The following SPSB1 variants were observed in gnomAD, a reference collection of about 807,000 sequenced individuals.
SPSB1 encodes SPRY domain-containing SOCS box protein 1.
Under a neutral mutation model 21.2 loss-of-function variants are expected in SPSB1, and 8 were observed. The observed-to-expected ratio is 0.38, with a 90% CI of 0.22 to 0.68. SPSB1 has a LOEUF of 0.68. SPSB1 is among the 30% of genes least tolerant of loss of function. The probability of loss-of-function intolerance (pLI) is 0.53; values close to 1 mark genes in which losing one functional copy is unlikely to be tolerated. For missense variants in SPSB1, 242 were observed against 377.8 expected, an observed-to-expected ratio of 0.64 and a Z score of 2.98; for synonymous variants, 169 against 161.7, an observed-to-expected ratio of 1.05 and a Z score of -0.34.
At position 9,369,207 on chromosome 1, in the gene SPSB1, T is replaced by G. The variant is rs1238083458; in HGVS notation, c.*1632T>G. On this transcript the variant is annotated 3_prime_UTR_variant, in exon 3 of 3. Transcript: ENST00000328089. ...ATTACCCCCTTATTATTTTGACGGT[T>G]TTTTTTTTCGGGGCAGGGGACCTTA... is the stretch of plus-strand genomic sequence containing the variant. 7.8e-6 allele frequency: 1 copy of G among 128,390 alleles called. No homozygotes were observed. The highest frequency in any genetic ancestry group is 5.2e-5 in the African/African-American group (1 of 19,394). 8.0% of individuals were successfully genotyped at this position (128,390 alleles called of 1,614,324 possible).
Position 9,324,718 on chromosome 1 carries a change from C to T in SPSB1, c.-149-31025C>T, listed in dbSNP as rs183701385. Among the ~76,000 whole-genome samples, 1 of 152,298 alleles carries T rather than the reference C, an allele frequency of 6.6e-6. No individual in the cohort carries two copies. Among genetic ancestry groups the T allele is most frequent in the African/African-American group, 2.4e-5 (1 of 41,560 alleles). ...AGCGGCCAGCCAGCATCTCCCGGAGCCCAGAATCTCTCTGGGAATGAGCAC... is the reference window on the plus strand; with the variant it reads ...AGCGGCCAGCCAGCATCTCCCGGAGTCCAGAATCTCTCTGGGAATGAGCAC... On this transcript the variant is annotated intron_variant, in intron 1 of 2. Coordinates refer to ENST00000328089, the MANE Select transcript of SPSB1 (RefSeq NM_025106.4). This position sits in a 1 kb window ranked among gnomAD's most constrained non-coding sequence, Gnocchi z 4.3.
chr1:9,308,626 G>C (rs1360413700), intron 1 of SPSB1, among the ~76,000 whole-genome samples: 2 of 152,230 alleles, frequency 1.3e-5, no homozygotes, highest in African/African-American at 4.8e-5. Flanking sequence ...GATTGAATGT[G>C]TGCCATGAGC....
At chr1:9,322,217 G>T (rs1639732589) in intron 1 of SPSB1, among the ~76,000 whole-genome samples, 1 of 152,102 alleles carries the variant, frequency 6.6e-6, no homozygotes, top group Non-Finnish European at 1.5e-5. Context: ...AATGCATCAG[G>T]CTGAGTAGAG....
Position 9,356,682 on chromosome 1 carries a change from G to C in SPSB1, c.694+97G>C, listed in dbSNP as rs1640368400. On this transcript the variant is annotated intron_variant, in intron 2 of 2. Coordinates refer to ENST00000328089, the MANE Select transcript of SPSB1 (RefSeq NM_025106.4). This position sits in a 1 kb window ranked among gnomAD's most constrained non-coding sequence, Gnocchi z 7.4. ...AAAGTTGATTCATTGGAACTAGAGT[G>C]TTTTGAAGACGATATTCCAGTGTAT... The C allele has an allele frequency of 6.7e-7, 1 of 1,488,294 alleles. No individual in the cohort carries two copies. The allele number at this position is 1,488,294 out of a possible 1,614,324, so 92.2% of individuals were successfully genotyped here.
At chr1:9,303,595 T>G (rs1174462048) in intron 1 of SPSB1, among the ~76,000 whole-genome samples, 1 of 152,218 alleles carries the variant, frequency 6.6e-6, no homozygotes, top group South Asian at 2.1e-4. Context: ...TTTTACATCA[T>G]AGTATTTAAG....
At chr1:9,319,682 C>G (rs1294045) in intron 1 of SPSB1, among the ~76,000 whole-genome samples, 1 of 152,038 alleles carries the variant, frequency 6.6e-6, no homozygotes. Context: ...GCCAAGCCTG[C>G]TCGTCTGGCC....
chr1:9,310,042 A>AAGCT (rs986760064), intron 1 of SPSB1, among the ~76,000 whole-genome samples: 1 of 151,544 alleles, frequency 6.6e-6, no homozygotes, highest in Non-Finnish European at 1.5e-5. Context: ...TGTTGCCCTA[A>AAGCT]AGCTCTCCTC....
intron 1 of SPSB1, among the ~76,000 whole-genome samples, chr1:9,349,391 C>T (rs1640214775): frequency 6.6e-6 from 1 of 152,240 alleles, no homozygotes; most frequent in Non-Finnish European, 1.5e-5. Context: ...GGGGCCAGAG[C>T]TGTGCCGGGC....
At chr1:9,306,211 A>C (rs1639407956) in intron 1 of SPSB1, among the ~76,000 whole-genome samples, 1 of 152,212 alleles carries the variant, frequency 6.6e-6, no homozygotes, top group African/African-American at 2.4e-5. Flanking sequence ...AACTGCCTTC[A>C]TCCTTTCGGG....
At chr1:9,329,721 A>AG (rs1219293011) in intron 1 of SPSB1, among the ~76,000 whole-genome samples, 22 of 149,310 alleles carry the variant, frequency 1.5e-4, no homozygotes, top group African/African-American at 3.1e-4. Context: ...AAAAAAAAAA[A>AG]AGAGAAAAGA....
rs1240060894 is a variant in SPSB1 at position 9,345,804 on chromosome 1, C to T, written c.-149-9939C>T. Among the ~76,000 whole-genome samples the T allele has an allele frequency of 6.6e-6, 1 of 152,200 alleles. No homozygotes were observed. Among genetic ancestry groups the T allele is most frequent in the Non-Finnish European group, 1.5e-5 (1 of 68,038 alleles). On this transcript the variant is annotated intron_variant, in intron 1 of 2. Coordinates refer to ENST00000328089, the MANE Select transcript of SPSB1 (RefSeq NM_025106.4). This position sits in a 1 kb window ranked among gnomAD's most constrained non-coding sequence, Gnocchi z 4.8. ...CTCCAAAATCACTTGTCAGAACTTT[C>T]CAGAAGGATCCTGTTCTTTTTTGTT...
chr1:9,337,806 G>GTC (rs1553127142), intron 1 of SPSB1, among the ~76,000 whole-genome samples: 2 of 152,200 alleles, frequency 1.3e-5, no homozygotes, highest in Non-Finnish European at 2.9e-5. Context: ...CTCTGTCTCT[G>GTC]TCTCTCCTGG....
chr1:9,307,388 G>A (rs141009248), intron 1 of SPSB1, among the ~76,000 whole-genome samples: 5 of 152,180 alleles, frequency 3.3e-5, no homozygotes, highest in South Asian at 2.1e-4. Flanking sequence ...ATCCACATTC[G>A]GCGTCACCTC....
chr1:9,332,373 A>C (rs556881491), intron 1 of SPSB1, among the ~76,000 whole-genome samples: 64 of 152,290 alleles, frequency 4.2e-4, no homozygotes, highest in African/African-American at 1.5e-3. Flanking sequence ...GTGGGAAGCC[A>C]AGAAGAGGAG....
At chr1:9,306,930 CTTT>C (rs200660299) in intron 1 of SPSB1, among the ~76,000 whole-genome samples, 3 of 67,440 alleles carry the variant, frequency 4.4e-5, no homozygotes, top group African/African-American at 4.4e-5. Flanking sequence ...TTCTTTTCTT[CTTT>C]TTTTTTTTTT....
intron 1 of SPSB1, among the ~76,000 whole-genome samples, chr1:9,297,208 T>G (rs1419638367): frequency 6.6e-6 from 1 of 152,128 alleles, no homozygotes; most frequent in Non-Finnish European, 1.5e-5. Flanking sequence ...AGGCGATGGG[T>G]GGAGGAATCC....
At chr1:9,306,438 A>G (rs1208503449) in intron 1 of SPSB1, among the ~76,000 whole-genome samples, 1 of 152,134 alleles carries the variant, frequency 6.6e-6, no homozygotes. Context: ...GGGTCTGTCT[A>G]TAGTGGGGTC....
In SPSB1 at chr1:9,321,539, C is replaced by T. The variant is rs559909267; in HGVS notation, c.-150+28468C>T. Among the ~76,000 whole-genome samples, 6 of 152,250 alleles carry T rather than the reference C, an allele frequency of 3.9e-5. No homozygotes were observed. Among genetic ancestry groups the T allele is most frequent in the Admixed American group, 1.3e-4 (2 of 15,288 alleles). On this transcript the variant is annotated intron_variant, in intron 1 of 2. Transcript: ENST00000328089. This position sits in a 1 kb window ranked among gnomAD's most constrained non-coding sequence, Gnocchi z 4.8. ...TGCGTGCCAAGGATTCAGCTCAGAA[C>T]GGGGAAGAGGGTGTTTGAGAGACTG...
chr1:9,336,160 T>C (rs1569619224), intron 1 of SPSB1, among the ~76,000 whole-genome samples: 1 of 152,348 alleles, frequency 6.6e-6, no homozygotes, highest in African/African-American at 2.4e-5. Flanking sequence ...GTTTGAAATG[T>C]TATTTCTCGG....
Sources: allele counts gnomAD v4.1 joint callset (sites outside exome capture counted in the v4.1 genomes callset), GRCh38; gene constraint gnomAD v4.1.1; non-coding constraint Gnocchi (gnomAD v3.1); transcripts MANE v1.5; gene names NCBI Gene and HGNC (gene_info 2026-07-23, HGNC 2026-07-21).